The following KCNMA1 variants were observed in gnomAD, a reference collection of about 807,000 sequenced individuals.
The protein encoded by KCNMA1 is Calcium-activated potassium channel subunit alpha-1.
In KCNMA1, 29 loss-of-function variants were observed where a neutral mutation model predicts 140.0. The observed-to-expected ratio is 0.21, with a 90% confidence interval of 0.15 to 0.28. The LOEUF is 0.28. Ranked by LOEUF, KCNMA1 falls within the 10% of genes least tolerant of loss-of-function variation. KCNMA1 has a pLI of 1.00. For synonymous variants in KCNMA1, 612 were observed against 611.9 expected (o/e 1.00, Z 0.00); for missense variants, 880 against 1,602.2 (o/e 0.55, Z 7.70).
chr10:77,139,209 G>C (rs1440087583), intron 5 of KCNMA1, among the ~76,000 whole-genome samples: 2 of 152,148 alleles, frequency 1.3e-5, no homozygotes, highest in African/African-American at 4.8e-5. Context: ...ATTATTCAAC[G>C]TTTTCTCAGG....
At chr10:77,355,512 G>C (rs1243909966) in intron 2 of KCNMA1, among the ~76,000 whole-genome samples, 1 of 152,162 alleles carries the variant, frequency 6.6e-6, no homozygotes, top group African/African-American at 2.4e-5. Context: ...TTTCCTTCCT[G>C]TTGGGCATGA....
At chr10:77,053,074 C>T (rs1309137165) in intron 14 of KCNMA1, among the ~76,000 whole-genome samples, 1 of 152,122 alleles carries the variant, frequency 6.6e-6, no homozygotes, top group Non-Finnish European at 1.5e-5. Flanking sequence ...CCCCAGAAAA[C>T]TGACAGGCAG....
intron 5 of KCNMA1, among the ~76,000 whole-genome samples, chr10:77,136,342 T>C (rs1222402009): frequency 1.3e-5 from 2 of 152,170 alleles, no homozygotes; most frequent in African/African-American, 2.4e-5. Context: ...TTTGACATAA[T>C]GTTAAGTTAA....
chr10:77,005,229 A>T (rs2088037996), intron 18 of KCNMA1, among the ~76,000 whole-genome samples: 1 of 152,174 alleles, frequency 6.6e-6, no homozygotes, highest in Non-Finnish European at 1.5e-5. Context: ...TGAGAATTGA[A>T]ATATATGCAG....
chr10:77,198,567 T>TGA (rs1237848571), intron 3 of KCNMA1, among the ~76,000 whole-genome samples: 7 of 54,234 alleles, frequency 1.3e-4, no homozygotes, highest in Non-Finnish European at 1.7e-4. Context: ...CATATATATG[T>TGA]GATATATATA....
At chr10:76,874,463 C>T (rs2031991486), downstream of KCNMA1, 2 of 152,152 alleles carry the variant, frequency 1.3e-5, no homozygotes. Context: ...CAAATGAAGT[C>T]ACTGAGACTC....
intron 1 of KCNMA1, chr10:77,635,699 AG>A (rs1488806277): frequency 1.3e-5 from 2 of 152,406 alleles, no homozygotes; most frequent in East Asian, 3.9e-4. Flanking sequence ...ACAAATAAGA[AG>A]AAACCTCTAC....
intron 19 of KCNMA1, among the ~76,000 whole-genome samples, chr10:76,996,629 C>G (rs1384899651): frequency 1.3e-5 from 2 of 152,180 alleles, no homozygotes; most frequent in East Asian, 3.9e-4. Flanking sequence ...AGAGAGCGCA[C>G]TCACATCAGC....
intron 5 of KCNMA1, among the ~76,000 whole-genome samples, chr10:77,182,499 G>A (rs564184284): frequency 2.2e-4 from 34 of 152,314 alleles, no homozygotes; most frequent in African/African-American, 7.7e-4. Flanking sequence ...CCTGGGAACC[G>A]TGGGTGTCTA....
chr10:77,273,525 A>T (rs1256695235), intron 2 of KCNMA1, among the ~76,000 whole-genome samples: 1 of 152,234 alleles, frequency 6.6e-6, no homozygotes, highest in Non-Finnish European at 1.5e-5. Flanking sequence ...CAACCTGAAA[A>T]GGTTTGTGGA....
chr10:77,035,481 C>A (rs1420343935), intron 15 of KCNMA1, among the ~76,000 whole-genome samples: 4 of 152,142 alleles, frequency 2.6e-5, no homozygotes. Context: ...CTGGAGGCAG[C>A]CACCCTAGGG....
At chr10:77,069,074 T>C (rs1045681008) in intron 14 of KCNMA1, among the ~76,000 whole-genome samples, 14 of 151,906 alleles carry the variant, frequency 9.2e-5, no homozygotes, top group Admixed American at 6.6e-5. Flanking sequence ...TACATCCAAG[T>C]GAGGAAGCCA....
intron 1 of KCNMA1, among the ~76,000 whole-genome samples, chr10:77,559,069 GC>G (rs1407833834): frequency 6.6e-6 from 1 of 152,146 alleles, no homozygotes; most frequent in East Asian, 1.9e-4. Flanking sequence ...GGTCAGCCCA[GC>G]CCCTGTCACT....
intron 16 of KCNMA1, chr10:77,019,737 A>G (rs1362846550): frequency 6.6e-6 from 1 of 152,322 alleles, no homozygotes; most frequent in African/African-American, 2.4e-5. Flanking sequence ...AGTTGGATAT[A>G]CTTAACAATT....
downstream of KCNMA1, chr10:76,875,351 G>A (rs545879282): frequency 6.6e-6 from 1 of 151,968 alleles, no homozygotes; most frequent in African/African-American, 2.4e-5. Flanking sequence ...GGTTTTTTTG[G>A]GGGGGAGGTG....
chr10:77,090,995 A>G (rs545225529), intron 9 of KCNMA1: 1 of 188,638 alleles, frequency 5.3e-6, no homozygotes, highest in African/African-American at 2.3e-5. Context: ...GCAGACTTTT[A>G]TCAGGGTGGC....
chr10:77,154,527 CTG>C (rs1303743484), intron 5 of KCNMA1, among the ~76,000 whole-genome samples: 3 of 152,276 alleles, frequency 2.0e-5, no homozygotes, highest in East Asian at 3.9e-4. Flanking sequence ...AATGGAAAGA[CTG>C]TTGCCTGAAT....
intron 23 of KCNMA1, among the ~76,000 whole-genome samples, chr10:76,918,864 A>G (rs1026888085): frequency 9.2e-4 from 140 of 152,168 alleles, no homozygotes; most frequent in African/African-American, 3.2e-3. Flanking sequence ...CAATGAGAGG[A>G]TAAAGAAACT....
chr10:77,515,269 G>A (rs2049993823), intron 1 of KCNMA1, among the ~76,000 whole-genome samples: 1 of 151,990 alleles, frequency 6.6e-6, no homozygotes, highest in Admixed American at 6.6e-5. Flanking sequence ...ACCATGAGGG[G>A]ACACAGGCAC....
Sources: gnomAD v4.1 joint callset for allele counts (sites outside exome capture counted in the v4.1 genomes callset) on GRCh38, gnomAD v4.1.1 for gene constraint, MANE v1.5 for transcripts, NCBI Gene and HGNC (gene_info 2026-07-23, HGNC 2026-07-21) for gene names.